The following ST18 variants were observed in gnomAD, a reference collection of about 807,000 sequenced individuals.
ST18 encodes the protein ST18 C2H2C-type zinc finger transcription factor, also known as suppression of tumorigenicity 18 protein.
ST18 carries 50 observed loss-of-function variants against 110.0 expected under a neutral mutation model. The ratio of observed to expected loss-of-function variants is 0.45; its 90% CI spans 0.36 to 0.58. ST18 has a LOEUF of 0.58. ST18 is among the 20% of genes least tolerant of loss of function. The probability of loss-of-function intolerance (pLI) is 0.00; values close to 1 mark genes in which losing one functional copy is unlikely to be tolerated. For synonymous variants in ST18, 461 were observed against 452.4 expected (o/e 1.02, Z -0.24); for missense variants, 1,306 against 1,280.1 (o/e 1.02, Z -0.31).
At chr8:52,254,457 C>T (rs1264506468) in intron 2 of ST18, 1 of 152,204 alleles carries the variant, frequency 6.6e-6, no homozygotes, top group Non-Finnish European at 1.5e-5. Context: ...TGCACATCAA[C>T]AGCCTCATGC....
At chr8:52,351,534 A>G (rs1820332964) in intron 2 of ST18, among the ~76,000 whole-genome samples, 1 of 152,240 alleles carries the variant, frequency 6.6e-6, no homozygotes, top group Admixed American at 6.5e-5. Flanking sequence ...AACTCTCATG[A>G]CATAACAGCA....
intron 2 of ST18, among the ~76,000 whole-genome samples, chr8:52,372,750 C>T (rs1030582657): frequency 1.3e-5 from 2 of 152,204 alleles, no homozygotes; most frequent in South Asian, 2.1e-4. Context: ...GCTGTACCAT[C>T]TGGGTCTGTG....
rs1563897561 is a variant in ST18, at chr8:52,178,645, C to CAAAAAAAAAAAAAAAAAAA, written c.277+1476_277+1477insTTTTTTTTTTTTTTTTTTT. Among the ~76,000 whole-genome samples the CAAAAAAAAAAAAAAAAAAA allele has an allele frequency of 7.0e-4, 21 of 30,094 alleles. 4 individuals are homozygous for CAAAAAAAAAAAAAAAAAAA. The highest frequency in any genetic ancestry group is 1.1e-3 in the Admixed American group (3 of 2,634). 19.7% of individuals were successfully genotyped at this position (30,094 alleles called of 152,430 possible). On this transcript the variant is annotated intron_variant, in intron 9 of 25. Coordinates refer to ENST00000689386, the MANE Select transcript of ST18 (RefSeq NM_001352837.2). ...AAAAAAAAAAAAAAAAAAAAAAAAC[C>CAAAAAAAAAAAAAAAAAAA]ACCAAAAACCAAAATAAAACAAACA...
In ST18 at chr8:52,138,950, C is replaced by T. The variant is rs1296449291; in HGVS notation, c.2169-1467G>A. Among the ~76,000 whole-genome samples, 5 of 152,268 alleles carry T rather than the reference C, an allele frequency of 3.3e-5. No individual in the cohort carries two copies. In the South Asian group the frequency reaches 1.0e-3, roughly 32 times the overall value. ...TTCTAAGTATTTTTCTTCCTGTGAT[C>T]CACTTTCCAATCATTTTCAGGTATC... On this transcript the variant is annotated intron_variant, in intron 17 of 25. Transcript: ENST00000689386.
chr8:52,296,475 C>T (rs1446765796), intron 2 of ST18: 3 of 152,232 alleles, frequency 2.0e-5, no homozygotes, highest in Non-Finnish European at 4.4e-5. Context: ...CTCCCATCAG[C>T]AGAGAGGCAC....
intron 2 of ST18, among the ~76,000 whole-genome samples, chr8:52,366,425 C>T (rs888076193): frequency 1.1e-4 from 16 of 152,172 alleles, no homozygotes; most frequent in African/African-American, 3.4e-4. Flanking sequence ...CAAGATCTGG[C>T]CCCTGTCTGT....
intron 2 of ST18, among the ~76,000 whole-genome samples, chr8:52,319,701 C>G (rs1410986189): frequency 6.6e-6 from 1 of 152,060 alleles, no homozygotes; most frequent in Non-Finnish European, 1.5e-5. Flanking sequence ...AAGGGCTCAG[C>G]TGGGTGATTC....
intron 2 of ST18, among the ~76,000 whole-genome samples, chr8:52,341,231 G>C (rs1181177801): frequency 1.3e-5 from 2 of 152,144 alleles, no homozygotes; most frequent in East Asian, 3.9e-4. Context: ...TCACTTTGGA[G>C]ACCCCAAAAT....
At chr8:52,240,345 C>T (rs1357541555) in intron 2 of ST18, among the ~76,000 whole-genome samples, 1 of 152,080 alleles carries the variant, frequency 6.6e-6, no homozygotes, top group Non-Finnish European at 1.5e-5. Context: ...AAAACCATTT[C>T]ACACTGAGTC....
At chr8:52,276,161 A>ACAGG (rs145651096) in intron 2 of ST18, among the ~76,000 whole-genome samples, 219 of 51,032 alleles carry the variant, frequency 4.3e-3, no homozygotes, top group African/African-American at 4.7e-3. Context: ...CACGCACCAC[A>ACAGG]CATACCATAT....
At chr8:52,399,796 T>G (rs1281923837) in intron 2 of ST18, among the ~76,000 whole-genome samples, 1 of 152,098 alleles carries the variant, frequency 6.6e-6, no homozygotes. Context: ...AAAAAAATGG[T>G]ACATATAATT....
chr8:52,214,337 A>T, intron 6 of ST18, 80 bp from the exon 7 acceptor site: 1 of 1,487,594 alleles, frequency 6.7e-7, no homozygotes, highest in Non-Finnish European at 9.3e-7. Flanking sequence ...GAAGTTCTGA[A>T]GGTCATTATG....
intron 2 of ST18, among the ~76,000 whole-genome samples, chr8:52,392,288 G>A (rs951122681): frequency 1.3e-5 from 2 of 152,106 alleles, no homozygotes; most frequent in Admixed American, 6.5e-5. Context: ...TGATGGTGAC[G>A]GTGGTGGTAA....
intron 6 of ST18, among the ~76,000 whole-genome samples, chr8:52,215,802 G>A (rs932670535): frequency 1.7e-4 from 26 of 152,184 alleles, no homozygotes; most frequent in African/African-American, 6.0e-4. Flanking sequence ...GGTTTACTCA[G>A]GATAGTAAGC....
chr8:52,260,307 T>A (rs1239036759), intron 2 of ST18, among the ~76,000 whole-genome samples: 1 of 152,224 alleles, frequency 6.6e-6, no homozygotes, highest in African/African-American at 2.4e-5. Context: ...TATATTTATA[T>A]CTTTTCAATA....
Position 52,165,166 on chromosome 8 carries a change from G to C in ST18, c.1264C>G (p.His422Asp). ...CPTPGCTGRGHVNSNRNTHRS... is the reference protein window; with the variant it reads ...CPTPGCTGRGDVNSNRNTHRS... ...TGGGTGTTGCGGTTGCTGTTCACAT[G>C]ACCCCTTCCTGTGCATCCCGGCGTG... Residue 422 changes from histidine (H) to aspartate (D), a missense_variant, in exon 12 of 26, where the codon CAT (histidine) becomes GAT (aspartate). Physicochemically the swap from His to Asp is moderately conservative, Grantham distance 81. Transcript: ENST00000689386. The C allele has an allele frequency of 6.2e-7, 1 of 1,614,150 alleles. No homozygotes were observed. Among genetic ancestry groups the C allele is most frequent in the Non-Finnish European group, 8.5e-7 (1 of 1,180,030 alleles).
chr8:52,312,658 C>T (rs1325861901), intron 2 of ST18, among the ~76,000 whole-genome samples: 1 of 152,078 alleles, frequency 6.6e-6, no homozygotes, highest in Non-Finnish European at 1.5e-5. Flanking sequence ...TTCTCTATCC[C>T]AATCAGAAAA....
intron 2 of ST18, among the ~76,000 whole-genome samples, chr8:52,375,705 G>C (rs1470835940): frequency 2.0e-5 from 3 of 152,082 alleles, no homozygotes; most frequent in Non-Finnish European, 4.4e-5. Flanking sequence ...TTCCAAATGT[G>C]CTTCTGCAGC....
At chr8:52,242,692 TAG>T (rs1420355157) in intron 2 of ST18, among the ~76,000 whole-genome samples, 5 of 152,042 alleles carry the variant, frequency 3.3e-5, no homozygotes, top group East Asian at 1.9e-4. Flanking sequence ...AGAGGTTTAG[TAG>T]AAACCTCTAC....
Sources: allele counts gnomAD v4.1 joint callset (sites outside exome capture counted in the v4.1 genomes callset), GRCh38; gene constraint gnomAD v4.1.1; transcripts MANE v1.5; gene names NCBI Gene and HGNC (gene_info 2026-07-23, HGNC 2026-07-21).